PACSIN1: variants seen among roughly 807,000 people sequenced by gnomAD.
The protein encoded by PACSIN1 is protein kinase C and casein kinase substrate in neurons 1.
Under a neutral mutation model 59.5 loss-of-function variants are expected in PACSIN1, and 15 were observed. The observed-to-expected ratio is 0.25, with a 90% CI of 0.17 to 0.39. The LOEUF is 0.39. PACSIN1 is among the 10% of genes least tolerant of loss of function. PACSIN1 has a pLI of 1.00. For missense variants in PACSIN1, 420 were observed against 580.2 expected, an observed-to-expected ratio of 0.72 and a Z score of 2.84; for synonymous variants, 210 against 220.6, an observed-to-expected ratio of 0.95 and a Z score of 0.42.
chr6:34,506,858 T>C (rs527659505), intron 1 of PACSIN1, among the ~76,000 whole-genome samples: 1 of 152,222 alleles, frequency 6.6e-6, no homozygotes, highest in Admixed American at 6.5e-5. Flanking sequence ...GGCACCTTGT[T>C]ATTGCTGGGT....
Position 34,528,629 on chromosome 6 carries a change from G to T in PACSIN1, c.221-13G>T. On this transcript the variant is annotated splice_polypyrimidine_tract_variant and intron_variant, in intron 3 of 9. Coordinates refer to ENST00000244458, the MANE Select transcript of PACSIN1 (RefSeq NM_020804.5). The stretch of plus-strand genomic sequence containing the variant: ...GGCAATGAGGTTCTTGTGACCTATT[G>T]CCATTCCCTCAGGCCCACAGTATGG... 1 of 1,606,578 alleles carries T rather than the reference G, an allele frequency of 6.2e-7. No homozygotes were observed. The highest frequency in any genetic ancestry group is 8.5e-7 in the Non-Finnish European group (1 of 1,173,582).
At chr6:34,510,778 T>A (rs1767190237) in intron 1 of PACSIN1, among the ~76,000 whole-genome samples, 1 of 152,238 alleles carries the variant, frequency 6.6e-6, no homozygotes, top group Non-Finnish European at 1.5e-5. Flanking sequence ...AGTGATGCGA[T>A]CACGGCTCAC....
At chr6:34,474,503 T>C (rs559072145) in intron 1 of PACSIN1, among the ~76,000 whole-genome samples, 7 of 152,170 alleles carry the variant, frequency 4.6e-5, no homozygotes, top group Non-Finnish European at 1.0e-4. Context: ...CAGAATCCTA[T>C]AACAGGCTAG....
chr6:34,526,395 G>A (rs771944711), intron 2 of PACSIN1, 27 bp downstream of exon 2: 10 of 1,602,360 alleles, frequency 6.2e-6, no homozygotes, highest in South Asian at 4.4e-5. Flanking sequence ...CCCCAGGTTC[G>A]GGGACCAGAC....
At chr6:34,479,848 C>T (rs896552658) in intron 1 of PACSIN1, among the ~76,000 whole-genome samples, 1 of 151,634 alleles carries the variant, frequency 6.6e-6, no homozygotes, top group Non-Finnish European at 1.5e-5. Flanking sequence ...CTTTTTGAGA[C>T]AGAGTCTTGC....
At position 34,532,632 on chromosome 6, in the gene PACSIN1, C is replaced by T. The variant is rs1259956558; in HGVS notation, c.*102C>T. ...GCCATAGAGTTCCAGACATATTTTCCGATCAAGCTTTTATTTTTTTAAAAG... is the reference window on the plus strand; with the variant it reads ...GCCATAGAGTTCCAGACATATTTTCTGATCAAGCTTTTATTTTTTTAAAAG... On this transcript the variant is annotated 3_prime_UTR_variant, in exon 10 of 10. Transcript: ENST00000244458. The surrounding 1 kb of genome is among the most constrained non-coding windows in gnomAD (Gnocchi z 5.2). 2.9e-6 allele frequency: 2 copies of T among 682,306 alleles called. No individual in the cohort carries two copies. The highest frequency in any genetic ancestry group is 1.8e-5 in the African/African-American group (1 of 54,892). 42.3% of individuals were successfully genotyped at this position (682,306 alleles called of 1,614,324 possible).
Position 34,521,822 on chromosome 6 carries a change from A to G in PACSIN1, c.-63-4421A>G, listed in dbSNP as rs1381779562. On this transcript the variant is annotated intron_variant, in intron 1 of 9. Transcript: ENST00000244458. This position sits in a 1 kb window ranked among gnomAD's most constrained non-coding sequence, Gnocchi z 4.3. Reference sequence around the variant, plus strand: ...TAGTGCTCCGTTTAATCCTTGCAACAGCCCATTTTACAGATGCGGACGCCG... The same window carrying G: ...TAGTGCTCCGTTTAATCCTTGCAACGGCCCATTTTACAGATGCGGACGCCG... 5.9e-5 allele frequency among the ~76,000 whole-genome samples: 9 copies of G among 152,164 alleles called. No individual in the cohort carries two copies. The highest frequency in any genetic ancestry group is 1.0e-4 in the Non-Finnish European group (7 of 68,034).
chr6:34,529,423 T>C lies in PACSIN1; in HGVS notation c.483T>C (p.His161=), dbSNP rs1767549080. The change falls in exon 5 of 10, where the codon CAT becomes CAC. Residue 161 remains histidine, a synonymous_variant. Transcript: ENST00000244458. The surrounding 1 kb of genome is among the most constrained non-coding windows in gnomAD (Gnocchi z 6.3). ...TGGAGGCAGCCAAGAAGGCCTACCA[T>C]TTGGCTTGCAAAGAGGAAAAGCTGG... ...KELEAAKKAY[H]LACKEEKLAM... is the part of the protein sequence containing the mutation. 6.2e-7 allele frequency: 1 copy of C among 1,614,116 alleles called. No individual in the cohort carries two copies.
At chr6:34,506,562 T>C (rs1045615742) in intron 1 of PACSIN1, among the ~76,000 whole-genome samples, 1 of 152,272 alleles carries the variant, frequency 6.6e-6, no homozygotes, top group African/African-American at 2.4e-5. Flanking sequence ...TATTATGTTA[T>C]GAGATGCCGG....
At chr6:34,505,206 C>T (rs1442540860) in intron 1 of PACSIN1, among the ~76,000 whole-genome samples, 1 of 151,918 alleles carries the variant, frequency 6.6e-6, no homozygotes, top group African/African-American at 2.4e-5. Context: ...CTATGTTGCT[C>T]GGCCTGTTTT....
At chr6:34,485,619 G>A (rs1766782053) in intron 1 of PACSIN1, among the ~76,000 whole-genome samples, 1 of 152,202 alleles carries the variant, frequency 6.6e-6, no homozygotes, top group Non-Finnish European at 1.5e-5. Context: ...CCGTTGAGGA[G>A]GTGGGTAGAT....
chr6:34,503,173 G>A lies in PACSIN1; in HGVS notation c.-63-23070G>A, dbSNP rs138599351. ...GTCCCAGCTACTCTGGAGGCTGTCC[G>A]TAGGAGGATTGCCTGAGGCCAGGAG... On this transcript the variant is annotated intron_variant, in intron 1 of 9. Coordinates refer to ENST00000244458, the MANE Select transcript of PACSIN1 (RefSeq NM_020804.5). Among the ~76,000 whole-genome samples, 374 of 151,920 alleles carry A rather than the reference G, an allele frequency of 2.5e-3. 3 individuals carry two copies. Among genetic ancestry groups the A allele is most frequent in the African/African-American group, 8.5e-3 (351 of 41,414 alleles).
intron 1 of PACSIN1, among the ~76,000 whole-genome samples, chr6:34,467,557 T>TG (rs943311532): frequency 1.4e-5 from 2 of 142,244 alleles, no homozygotes; most frequent in Admixed American, 1.4e-4. Flanking sequence ...CCCTTCCTTT[T>TG]TTTTTTTTTT....
At chr6:34,490,591 G>A (rs1220930054) in intron 1 of PACSIN1, among the ~76,000 whole-genome samples, 1 of 152,136 alleles carries the variant, frequency 6.6e-6, no homozygotes, top group Non-Finnish European at 1.5e-5. Flanking sequence ...CCTGTCATCC[G>A]CACTGTTGTC....
At chr6:34,485,576 G>C (rs1251033146) in intron 1 of PACSIN1, among the ~76,000 whole-genome samples, 5 of 152,206 alleles carry the variant, frequency 3.3e-5, no homozygotes, top group African/African-American at 1.2e-4. Context: ...CAGTCATCTG[G>C]GGACATGTGG....
At position 34,529,590 on chromosome 6, in the gene PACSIN1, G is replaced by A. The variant is rs767646154; in HGVS notation, c.612+38G>A. 3.1e-6 allele frequency: 5 copies of A among 1,612,838 alleles called. No individual in the cohort carries two copies. In the East Asian group the frequency reaches 6.7e-5, roughly 22 times the overall value. ...AGGGATGGCAGTAGGGGGTCTGGGG[G>A]CCCCTTGCAGAGGGTGGTGGCTGGG... On this transcript the variant is annotated intron_variant, in intron 5 of 9. Transcript: ENST00000244458. The surrounding 1 kb of genome is among the most constrained non-coding windows in gnomAD (Gnocchi z 6.3).
chr6:34,504,115 T>A (rs1767067696), intron 1 of PACSIN1, among the ~76,000 whole-genome samples: 1 of 152,084 alleles, frequency 6.6e-6, no homozygotes, highest in Non-Finnish European at 1.5e-5. Flanking sequence ...AGCCTGCTGG[T>A]GTCAGTGTTT....
chr6:34,499,124 A>G (rs904278828), intron 1 of PACSIN1, among the ~76,000 whole-genome samples: 4 of 152,080 alleles, frequency 2.6e-5, no homozygotes, highest in East Asian at 1.9e-4. Context: ...CTTTTCCTAC[A>G]ACTAGACAGT....
intron 2 of PACSIN1, 29 bp from the exon 3 acceptor site, chr6:34,527,303 G>C: frequency 6.7e-7 from 1 of 1,503,442 alleles, no homozygotes; most frequent in South Asian, 1.3e-5. Context: ...GGGAACCCGC[G>C]GGAGTGGTGC....
Sources: gnomAD v4.1 joint callset for allele counts (sites outside exome capture counted in the v4.1 genomes callset) on GRCh38, gnomAD v4.1.1 for gene constraint, Gnocchi (gnomAD v3.1) non-coding constraint, MANE v1.5 for transcripts, NCBI Gene and HGNC (gene_info 2026-07-23, HGNC 2026-07-21) for gene names.